The following CCSER1 variants were observed in gnomAD, a reference collection of about 807,000 sequenced individuals.
CCSER1 encodes serine-rich coiled-coil domain-containing protein 1.
Under a neutral mutation model 82.0 loss-of-function variants are expected in CCSER1, and 41 were observed. The ratio of observed to expected loss-of-function variants is 0.50; its 90% CI spans 0.39 to 0.65. The LOEUF is 0.65. Among genes scored for constraint, CCSER1 ranks in the 30% least tolerant of loss-of-function variants. The pLI is 0.00. For missense variants in CCSER1, 1,119 were observed against 1,064.2 expected, an observed-to-expected ratio of 1.05 and a Z score of -0.72; for synonymous variants, 414 against 383.9, an observed-to-expected ratio of 1.08 and a Z score of -0.92.
chr4:91,397,885 G>T (rs1444004430), intron 10 of CCSER1, among the ~76,000 whole-genome samples: 1 of 151,974 alleles, frequency 6.6e-6, no homozygotes, highest in Non-Finnish European at 1.5e-5. Context: ...GTTTGGTGTG[G>T]CTGGGGCATA....
At chr4:90,936,043 AAAAG>A (rs1375739707) in intron 9 of CCSER1, among the ~76,000 whole-genome samples, 2 of 152,218 alleles carry the variant, frequency 1.3e-5, no homozygotes, top group East Asian at 3.9e-4. Flanking sequence ...TATTATTTAA[AAAAG>A]AAAGCTCATC....
chr4:91,510,616 T>C (rs1241576988), intron 10 of CCSER1, among the ~76,000 whole-genome samples: 1 of 152,240 alleles, frequency 6.6e-6, no homozygotes, highest in Non-Finnish European at 1.5e-5. Context: ...GTTGGCCATT[T>C]GTATGTCTAC....
chr4:91,159,395 A>T (rs962657210), intron 10 of CCSER1, among the ~76,000 whole-genome samples: 1 of 151,958 alleles, frequency 6.6e-6, no homozygotes, highest in South Asian at 2.1e-4. Flanking sequence ...TATTCTTGTC[A>T]TAGTGTTTTC....
intron 6 of CCSER1, among the ~76,000 whole-genome samples, chr4:90,663,346 A>G (rs1731162224): frequency 6.6e-6 from 1 of 152,236 alleles, no homozygotes; most frequent in Non-Finnish European, 1.5e-5. Flanking sequence ...CCAGTCAACA[A>G]GTGAAACCTG....
chr4:90,147,215 T>C (rs1725979353), intron 1 of CCSER1, among the ~76,000 whole-genome samples: 1 of 152,180 alleles, frequency 6.6e-6, no homozygotes, highest in Non-Finnish European at 1.5e-5. Flanking sequence ...TAAGACACTT[T>C]AAATTTCTCA....
At chr4:91,486,059 A>G (rs991983618) in intron 10 of CCSER1, among the ~76,000 whole-genome samples, 64 of 152,146 alleles carry the variant, frequency 4.2e-4, no homozygotes, top group African/African-American at 1.4e-3. Flanking sequence ...TTTCAATTCA[A>G]TGAACTATAA....
chr4:91,180,837 T>A (rs137939442), intron 10 of CCSER1, among the ~76,000 whole-genome samples: 1,542 of 152,352 alleles, frequency 0.01, 13 homozygotes, highest in African/African-American at 0.025. Flanking sequence ...CACATATTTA[T>A]TAACAGCAAA....
intron 9 of CCSER1, among the ~76,000 whole-genome samples, chr4:90,990,276 C>T (rs975105722): frequency 6.6e-6 from 1 of 151,782 alleles, no homozygotes; most frequent in Admixed American, 6.6e-5. Context: ...CCTCTGTATC[C>T]CCTTAGGCCT....
At chr4:91,061,645 T>C (rs1743963991) in intron 9 of CCSER1, among the ~76,000 whole-genome samples, 1 of 152,150 alleles carries the variant, frequency 6.6e-6, no homozygotes, top group Non-Finnish European at 1.5e-5. Flanking sequence ...TCCTCAGTTC[T>C]GATCTAATTC....
At chr4:90,572,734 A>T (rs961979631) in intron 5 of CCSER1, among the ~76,000 whole-genome samples, 2 of 151,502 alleles carry the variant, frequency 1.3e-5, no homozygotes, top group Admixed American at 1.3e-4. Flanking sequence ...TGTTTTTCTT[A>T]TTTTACTGGA....
intron 9 of CCSER1, among the ~76,000 whole-genome samples, chr4:90,932,630 C>T (rs1729970113): frequency 6.6e-6 from 1 of 151,658 alleles, no homozygotes; most frequent in African/African-American, 2.4e-5. Flanking sequence ...GAGTTCGAGA[C>T]CAGCCTGGCT....
chr4:90,491,057 G>C (rs557401309), intron 5 of CCSER1, among the ~76,000 whole-genome samples: 3 of 152,310 alleles, frequency 2.0e-5, no homozygotes, highest in Admixed American at 6.5e-5. Context: ...ATTCTGTGAA[G>C]AAAGTCATTG....
At chr4:90,775,867 G>T (rs1027629654) in intron 7 of CCSER1, among the ~76,000 whole-genome samples, 1 of 151,686 alleles carries the variant, frequency 6.6e-6, no homozygotes, top group Non-Finnish European at 1.5e-5. Flanking sequence ...GCCTATCACT[G>T]AGGAAAATGT....
intron 8 of CCSER1, among the ~76,000 whole-genome samples, chr4:90,893,569 T>C (rs193056085): frequency 7.9e-5 from 12 of 152,212 alleles, no homozygotes; most frequent in Admixed American, 7.9e-4. Context: ...TGGCTTCTCT[T>C]TGCCCTAAGC....
At chr4:90,307,255 T>A (rs931953931) in intron 1 of CCSER1, among the ~76,000 whole-genome samples, 1 of 152,104 alleles carries the variant, frequency 6.6e-6, no homozygotes, top group Non-Finnish European at 1.5e-5. Flanking sequence ...TCTCCATTGA[T>A]ACCCTGAATA....
At chr4:90,255,558 T>G (rs1723132797) in intron 1 of CCSER1, among the ~76,000 whole-genome samples, 1 of 152,304 alleles carries the variant, frequency 6.6e-6, no homozygotes, top group Non-Finnish European at 1.5e-5. Flanking sequence ...ATGAAAAATT[T>G]ATATGTTCAC....
At chr4:91,176,770 G>A (rs1204487702) in intron 10 of CCSER1, among the ~76,000 whole-genome samples, 1 of 152,118 alleles carries the variant, frequency 6.6e-6, no homozygotes, top group Non-Finnish European at 1.5e-5. Context: ...TGCAAACAGG[G>A]ACAATTTGAC....
intron 10 of CCSER1, among the ~76,000 whole-genome samples, chr4:91,538,698 C>CATATATTATGTATATATATATAATATAT: frequency 7.2e-6 from 1 of 138,340 alleles, no homozygotes; most frequent in African/African-American, 2.8e-5. Flanking sequence ...TATATATACA[C>CATATATTATGTATATATATATAATATAT]ATATATATAT....
intron 10 of CCSER1, among the ~76,000 whole-genome samples, chr4:91,298,593 G>A (rs150643036): frequency 1.1e-3 from 163 of 152,112 alleles, no homozygotes; most frequent in East Asian, 5.6e-3. Flanking sequence ...ATACAAGAGC[G>A]TGGGAATGGA....
Sources: allele counts gnomAD v4.1 joint callset (sites outside exome capture counted in the v4.1 genomes callset), GRCh38; gene constraint gnomAD v4.1.1; transcripts MANE v1.5; gene names NCBI Gene and HGNC (gene_info 2026-07-23, HGNC 2026-07-21).